CAMKMT: variants seen among roughly 807,000 people sequenced by gnomAD.
CAMKMT encodes CaM KMT.
Under a neutral mutation model 48.0 loss-of-function variants are expected in CAMKMT, and 53 were observed. The observed-to-expected ratio is 1.10, with a 90% confidence interval of 0.89 to 1.39. The LOEUF is 1.39. CAMKMT is among the 40% of genes most tolerant of loss of function. The pLI, the probability that CAMKMT is intolerant of heterozygous loss-of-function variation, is 0.00. For missense variants in CAMKMT, 428 were observed against 402.7 expected (o/e 1.06, Z -0.54); for synonymous variants, 165 against 152.3 (o/e 1.08, Z -0.61).
intron 3 of CAMKMT, among the ~76,000 whole-genome samples, chr2:44,634,502 G>A (rs1353758666): frequency 6.6e-6 from 1 of 152,002 alleles, no homozygotes; most frequent in Non-Finnish European, 1.5e-5. Flanking sequence ...GCATTTTAAT[G>A]CCTTTTAAAT....
chr2:44,526,962 A>G, intron 3 of CAMKMT, among the ~76,000 whole-genome samples: 1 of 152,006 alleles, frequency 6.6e-6, no homozygotes, highest in East Asian at 1.9e-4. Context: ...AAGGTTGTGC[A>G]ACCAGTTTTA....
At chr2:44,459,043 C>T (rs1310094758) in intron 3 of CAMKMT, among the ~76,000 whole-genome samples, 1 of 151,490 alleles carries the variant, frequency 6.6e-6, no homozygotes. Flanking sequence ...GTTTTAGGTA[C>T]ACTAACTTAT....
At chr2:44,674,439 T>A (rs1675551636) in intron 3 of CAMKMT, among the ~76,000 whole-genome samples, 1 of 152,150 alleles carries the variant, frequency 6.6e-6, no homozygotes, top group African/African-American at 2.4e-5. Flanking sequence ...ATAGCTGGGG[T>A]TCGAAAAATG....
intron 3 of CAMKMT, among the ~76,000 whole-genome samples, chr2:44,444,055 G>A (rs990596650): frequency 2.0e-5 from 3 of 152,314 alleles, no homozygotes; most frequent in Admixed American, 6.5e-5. Context: ...GGAGATAAGT[G>A]TTACGGCCTG....
At chr2:44,463,808 A>C (rs1215220667) in intron 3 of CAMKMT, among the ~76,000 whole-genome samples, 2 of 152,234 alleles carry the variant, frequency 1.3e-5, no homozygotes, top group Non-Finnish European at 2.9e-5. Flanking sequence ...AAAAGGATTG[A>C]GAGGCTGTCA....
intron 3 of CAMKMT, among the ~76,000 whole-genome samples, chr2:44,668,359 C>G (rs925591829): frequency 6.6e-6 from 1 of 152,210 alleles, no homozygotes; most frequent in Non-Finnish European, 1.5e-5. Context: ...GACCCCAGCT[C>G]TCCTCGCCAG....
intron 3 of CAMKMT, among the ~76,000 whole-genome samples, chr2:44,433,408 C>G (rs561305527): frequency 6.6e-6 from 1 of 150,626 alleles, no homozygotes; most frequent in East Asian, 1.9e-4. Context: ...ATTTTTTTTT[C>G]AAATCCAAGT....
intron 9 of CAMKMT, among the ~76,000 whole-genome samples, chr2:44,760,317 C>T (rs886825434): frequency 6.6e-6 from 1 of 151,984 alleles, no homozygotes; most frequent in Non-Finnish European, 1.5e-5. Flanking sequence ...AAGAAGTTTG[C>T]TCTGGCTGGA....
chr2:44,479,765 T>C (rs1668872545), intron 3 of CAMKMT, among the ~76,000 whole-genome samples: 3 of 152,182 alleles, frequency 2.0e-5, no homozygotes, highest in Admixed American at 6.5e-5. Context: ...AAAATTACCA[T>C]TAATGTTTAG....
At chr2:44,572,957 A>G (rs1180604585) in intron 3 of CAMKMT, among the ~76,000 whole-genome samples, 5 of 152,156 alleles carry the variant, frequency 3.3e-5, no homozygotes, top group African/African-American at 7.2e-5. Context: ...CATTTCCCTA[A>G]TGATTAGGAA....
chr2:44,557,094 T>G (rs1382046708), intron 3 of CAMKMT, among the ~76,000 whole-genome samples: 1 of 152,244 alleles, frequency 6.6e-6, no homozygotes, highest in East Asian at 1.9e-4. Context: ...GTTTATTAAC[T>G]TTTCTAGACA....
chr2:44,398,493 C>T (rs977685987), intron 3 of CAMKMT, among the ~76,000 whole-genome samples: 6 of 151,380 alleles, frequency 4.0e-5, no homozygotes, highest in Admixed American at 1.3e-4. Context: ...ACAAAGAATG[C>T]GTTTTCTTTT....
At chr2:44,524,054 G>A in intron 3 of CAMKMT, among the ~76,000 whole-genome samples, 1 of 152,234 alleles carries the variant, frequency 6.6e-6, no homozygotes, top group Middle Eastern at 3.4e-3. Context: ...TGGGATTACA[G>A]GCGTGAGCCA....
chr2:44,754,049 T>A lies in CAMKMT; in HGVS notation c.699-6T>A, dbSNP rs779246292. On this transcript the variant is annotated splice_polypyrimidine_tract_variant and splice_region_variant and intron_variant, in intron 8 of 10. Transcript: ENST00000378494. The stretch of plus-strand genomic sequence containing the variant: ...AATCTGGATTCTGCTCTCTTCTCAA[T>A]GTCAGCCTGTTTCTGGACCAGTACA... 6.2e-7 allele frequency: 1 copy of A among 1,612,964 alleles called. No individual in the cohort carries two copies. The highest frequency in any genetic ancestry group is 1.1e-5 in the South Asian group (1 of 90,986).
chr2:44,501,633 T>A lies in CAMKMT; in HGVS notation c.376+111328T>A, dbSNP rs187884435. Among the ~76,000 whole-genome samples, 98 of 152,250 alleles carry A rather than the reference T, an allele frequency of 6.4e-4. 1 individual carries two copies. The highest frequency in any genetic ancestry group is 6.0e-3 in the Admixed American group (91 of 15,286). ...TTTGTCCTATTAAAAAATTAATTAA[T>A]AAAGGGCTCGGACAAATTGAAACAC... On this transcript the variant is annotated intron_variant, in intron 3 of 10. Transcript: ENST00000378494.
At chr2:44,399,420 C>T (rs1244099940) in intron 3 of CAMKMT, among the ~76,000 whole-genome samples, 1 of 152,040 alleles carries the variant, frequency 6.6e-6, no homozygotes, top group Admixed American at 6.6e-5. Flanking sequence ...TTCTCCTCTG[C>T]TTGTGCCTAT....
intron 3 of CAMKMT, among the ~76,000 whole-genome samples, chr2:44,637,846 C>G (rs1170248304): frequency 2.0e-5 from 3 of 151,966 alleles, no homozygotes; most frequent in Admixed American, 1.3e-4. Context: ...GCGGGCAGAT[C>G]ACAAGGTCAA....
At chr2:44,529,768 C>G (rs892973421) in intron 3 of CAMKMT, among the ~76,000 whole-genome samples, 4 of 152,208 alleles carry the variant, frequency 2.6e-5, no homozygotes, top group African/African-American at 9.6e-5. Flanking sequence ...TGTCAAATTG[C>G]TGATTTTTCC....
At chr2:44,753,872 A>G (rs1680258930) in intron 8 of CAMKMT, among the ~76,000 whole-genome samples, 183 bp from the exon 9 acceptor site, 1 of 152,246 alleles carries the variant, frequency 6.6e-6, no homozygotes, top group Non-Finnish European at 1.5e-5. Flanking sequence ...TTAGTTGGAT[A>G]ACACTGACCA....
Sources: gnomAD v4.1 joint callset for allele counts (sites outside exome capture counted in the v4.1 genomes callset) on GRCh38, gnomAD v4.1.1 for gene constraint, MANE v1.5 for transcripts, NCBI Gene and HGNC (gene_info 2026-07-23, HGNC 2026-07-21) for gene names.